TMEM161A: variants seen among roughly 807,000 people sequenced by gnomAD.
The protein encoded by TMEM161A is transmembrane protein 161A, also known as adaptive response to oxidative stress protein 29.
A neutral mutation model predicts 57.1 loss-of-function variants in TMEM161A; 46 were observed. The observed-to-expected ratio is 0.81, with a 90% confidence interval of 0.64 to 1.03. The LOEUF (loss-of-function observed/expected upper bound fraction) is 1.03, where lower values mean the gene tolerates loss of function less well. Ranked by LOEUF, TMEM161A falls within the 50% of genes least tolerant of loss-of-function variation. The pLI is 0.00. For synonymous variants in TMEM161A, 288 were observed against 279.0 expected, an observed-to-expected ratio of 1.03 and a Z score of -0.32; for missense variants, 601 against 621.5, an observed-to-expected ratio of 0.97 and a Z score of 0.35.
chr19:19,128,017 C>T (rs527607623), intron 6 of TMEM161A, among the ~76,000 whole-genome samples: 135 of 152,200 alleles, frequency 8.9e-4, no homozygotes, highest in Non-Finnish European at 1.6e-3. Context: ...GAAATGAGCA[C>T]GTCACAAAAG....
chr19:19,130,125 G>T lies in TMEM161A; in HGVS notation c.595+31C>A, dbSNP rs547460011. ...CAGATTACATGAGGGAGTGACAGCT[G>T]CGGTGGCCCCACGTTGGGGGCTGCA... On this transcript the variant is annotated intron_variant, in intron 6 of 11. Coordinates refer to ENST00000162044, the MANE Select transcript of TMEM161A (RefSeq NM_017814.3). 5 of 1,609,804 alleles carry T rather than the reference G, an allele frequency of 3.1e-6. No individual in the cohort carries two copies. The Admixed American group carries it at 6.7e-5, about 21-fold the overall frequency.
intron 6 of TMEM161A, among the ~76,000 whole-genome samples, chr19:19,122,258 C>T (rs1399790428): frequency 1.3e-5 from 2 of 152,176 alleles, no homozygotes; most frequent in East Asian, 1.9e-4. Flanking sequence ...CGCACCATTG[C>T]ACTCCAGCCT....
chr19:19,121,678 C>A lies in TMEM161A; in HGVS notation c.657-10G>T. The A allele has an allele frequency of 1.2e-6, 2 of 1,613,082 alleles. No homozygotes were observed. The highest frequency in any genetic ancestry group is 1.7e-6 in the Non-Finnish European group (2 of 1,179,246). On this transcript the variant is annotated splice_polypyrimidine_tract_variant and intron_variant, in intron 7 of 11. Transcript: ENST00000162044. This position sits in a 1 kb window ranked among gnomAD's most constrained non-coding sequence, Gnocchi z 5.8. The stretch of plus-strand genomic sequence containing the variant: ...CTTGGCCACAGGAAGCCTAGGAGAA[C>A]ACCAGGTCACGAGCCTGCCTGGGGG...
chr19:19,121,669 C>G lies in TMEM161A; in HGVS notation c.657-1G>C. Reference sequence around the variant, plus strand: ...GATAGCCAGCTTGGCCACAGGAAGCCTAGGAGAACACCAGGTCACGAGCCT... The same window carrying G: ...GATAGCCAGCTTGGCCACAGGAAGCGTAGGAGAACACCAGGTCACGAGCCT... On this transcript the variant is annotated splice_acceptor_variant, in intron 7 of 11. Transcript: ENST00000162044. LOFTEE classifies it high-confidence loss of function. This position sits in a 1 kb window ranked among gnomAD's most constrained non-coding sequence, Gnocchi z 5.8. 1.9e-6 allele frequency: 3 copies of G among 1,613,436 alleles called. No individual in the cohort carries two copies. The highest frequency in any genetic ancestry group is 2.5e-6 in the Non-Finnish European group (3 of 1,179,510).
chr19:19,130,628 CA>C (rs1163164004), intron 5 of TMEM161A: 1 of 318,968 alleles, frequency 3.1e-6, no homozygotes, highest in African/African-American at 2.1e-5. Flanking sequence ...GCTTCATCTC[CA>C]ATCTGCTGTC....
intron 6 of TMEM161A, among the ~76,000 whole-genome samples, chr19:19,129,007 G>C (rs768765010): frequency 6.6e-6 from 1 of 152,194 alleles, no homozygotes; most frequent in Non-Finnish European, 1.5e-5. Flanking sequence ...GAAGAGACAT[G>C]AATCATGAAT....
chr19:19,134,543 A>C (rs965033511), intron 2 of TMEM161A, among the ~76,000 whole-genome samples: 2 of 152,190 alleles, frequency 1.3e-5, no homozygotes, highest in Non-Finnish European at 2.9e-5. Flanking sequence ...TTGAGGTTGC[A>C]GTGAGCTATG....
At chr19:19,129,732 A>AC (rs2059948122) in intron 6 of TMEM161A, among the ~76,000 whole-genome samples, 1 of 152,004 alleles carries the variant, frequency 6.6e-6, no homozygotes, top group African/African-American at 2.4e-5. Flanking sequence ...ACATGGTGAA[A>AC]CCCCATCTTT....
Position 19,121,257 on chromosome 19 carries a change from T to C in TMEM161A, c.914+51A>G, listed in dbSNP as rs915512735. On this transcript the variant is annotated intron_variant, in intron 9 of 11. Transcript: ENST00000162044. The surrounding 1 kb of genome is among the most constrained non-coding windows in gnomAD (Gnocchi z 5.8). ...AGGCTCCTCCCTGAATCTCAGAGGCTAGGGCACCCAGGGGAGCCCCAGCTA... is the reference window on the plus strand; with the variant it reads ...AGGCTCCTCCCTGAATCTCAGAGGCCAGGGCACCCAGGGGAGCCCCAGCTA... The C allele has an allele frequency of 1.3e-6, 2 of 1,552,164 alleles. No homozygotes were observed. Among genetic ancestry groups the C allele is most frequent in the Admixed American group, 2.0e-5 (1 of 51,040 alleles).
intron 1 of TMEM161A, 126 bp downstream of exon 1, chr19:19,138,300 C>G: frequency 7.1e-7 from 1 of 1,398,696 alleles, no homozygotes; most frequent in Non-Finnish European, 9.9e-7. Context: ...TCAGCGTGCC[C>G]CCGAATCCCT....
intron 6 of TMEM161A, among the ~76,000 whole-genome samples, chr19:19,122,429 A>AC (rs769758901): frequency 6.6e-6 from 1 of 152,066 alleles, no homozygotes; most frequent in Non-Finnish European, 1.5e-5. Flanking sequence ...GCAGGAGAAA[A>AC]CCAAAGTCCT....
In TMEM161A at chr19:19,121,317, C is replaced by T. The variant is rs1379272406; in HGVS notation, c.905G>A (p.Arg302His). The T allele has an allele frequency of 1.9e-6, 3 of 1,565,230 alleles. No homozygotes were observed. Among genetic ancestry groups the T allele is most frequent in the African/African-American group, 1.4e-5 (1 of 73,496 alleles). ...FLHQPPFGET[R>H]FSLLSDSAFD... is the part of the protein sequence containing the mutation. ...CCCACCCAATACGCACAGGGAGAAA[C>T]GCGTCTCCCCAAACGGCGGCTGGTG... is the stretch of plus-strand genomic sequence containing the variant. The change falls in exon 9 of 12, where the codon CGT (arginine) becomes CAT (histidine). Residue 302 changes from arginine (R) to histidine (H), a missense_variant. Physicochemically the swap from Arg to His is conservative, Grantham distance 29. Transcript: ENST00000162044. This position sits in a 1 kb window ranked among gnomAD's most constrained non-coding sequence, Gnocchi z 5.8.
Position 19,134,339 on chromosome 19 carries a change from C to T in TMEM161A, c.107+445G>A, listed in dbSNP as rs548028430. ...AGTTTGTGTCAGGCATGGGAACTCA[C>T]GCCTGTAATCCCAGCACTTTGGGAG... is the stretch of plus-strand genomic sequence containing the variant. On this transcript the variant is annotated intron_variant, in intron 2 of 11. Coordinates refer to ENST00000162044, the MANE Select transcript of TMEM161A (RefSeq NM_017814.3). 2.2e-3 allele frequency among the ~76,000 whole-genome samples: 335 copies of T among 152,224 alleles called. 1 individual carries two copies. Among genetic ancestry groups the T allele is most frequent in the African/African-American group, 7.2e-3 (301 of 41,530 alleles).
chr19:19,121,081 G>C lies in TMEM161A; in HGVS notation c.1000C>G (p.Leu334Val), dbSNP rs1269965341. The C allele has an allele frequency of 6.2e-7, 1 of 1,611,620 alleles. No homozygotes were observed. Among genetic ancestry groups the C allele is most frequent in the Admixed American group, 1.7e-5 (1 of 59,970 alleles). Reference sequence around the variant, plus strand: ...TTGGCCAGGCACAGGTAGGCCTGCAGGTGGGGCCGGGTCACCGCCAGCCGC... The same window carrying C: ...TTGGCCAGGCACAGGTAGGCCTGCACGTGGGGCCGGGTCACCGCCAGCCGC... The part of the protein sequence containing the change: ...LLRLAVTRPH[L>V]QAYLCLAKAR... The change falls in exon 10 of 12, where the codon CTG becomes GTG. Residue 334 changes from leucine to valine, a missense_variant. By Grantham distance (32) the Leu-to-Val change is conservative (BLOSUM62 1). Coordinates refer to ENST00000162044, the MANE Select transcript of TMEM161A (RefSeq NM_017814.3). The surrounding 1 kb of genome is among the most constrained non-coding windows in gnomAD (Gnocchi z 5.8).
intron 1 of TMEM161A, among the ~76,000 whole-genome samples, chr19:19,135,307 G>A (rs1179490252): frequency 3.3e-5 from 5 of 151,914 alleles, no homozygotes; most frequent in East Asian, 1.9e-4. Flanking sequence ...GGCTCCCACC[G>A]CCTTCTGCAC....
Position 19,121,414 on chromosome 19 carries a change from G to C in TMEM161A, c.808C>G (p.Leu270Val). The C allele has an allele frequency of 6.2e-7, 1 of 1,613,794 alleles. No individual in the cohort carries two copies. Among genetic ancestry groups the C allele is most frequent in the Non-Finnish European group, 8.5e-7 (1 of 1,179,806 alleles). Reference sequence around the variant, plus strand: ...AGGGGAGACAGGAAGCTGGTGTGCAGGAGGAACCTGGGGGGTGAGGGCAGG... The same window carrying C: ...AGGGGAGACAGGAAGCTGGTGTGCACGAGGAACCTGGGGGGTGAGGGCAGG... ...SEDRPMLQFLLHTSFLSPLFI... is the reference protein window; with the variant it reads ...SEDRPMLQFLVHTSFLSPLFI... Residue 270 changes from leucine (L) to valine (V), a missense_variant, in exon 9 of 12, where the codon CTG becomes GTG. Leu to Val is a conservative substitution (Grantham distance 32). Transcript: ENST00000162044. The surrounding 1 kb of genome is among the most constrained non-coding windows in gnomAD (Gnocchi z 5.8).
At chr19:19,120,593 CAA>C (rs1373098421) in intron 11 of TMEM161A, among the ~76,000 whole-genome samples, 170 bp downstream of exon 11, 409 of 152,040 alleles carry the variant, frequency 2.7e-3, no homozygotes, top group South Asian at 0.01. Context: ...CTGTCCAAGG[CAA>C]GCCCCACTCC....
chr19:19,120,820 C>T lies in TMEM161A; in HGVS notation c.1131G>A (p.Gln377=). 1 of 1,613,448 alleles carries T rather than the reference C, an allele frequency of 6.2e-7. No individual in the cohort carries two copies. Among genetic ancestry groups the T allele is most frequent in the Non-Finnish European group, 8.5e-7 (1 of 1,180,014 alleles). ...VYCYVTVVSL[Q]YLTPLILTLN... is the part of the protein sequence containing the mutation. ...GGGTGAGGATGAGCGGCGTCAGGTA[C>T]TGCAAGCTCACCACGGTCACATAGC... Residue 377 remains glutamine (Q), a synonymous_variant, in exon 11 of 12, where the codon CAG becomes CAA. Coordinates refer to ENST00000162044, the MANE Select transcript of TMEM161A (RefSeq NM_017814.3).
rs913592387 is a variant in TMEM161A at position 19,126,731 on chromosome 19, G to A, written c.595+3425C>T. Reference sequence around the variant, plus strand: ...CTAAAAATGCAAAAATTAGCCAGGTGTGGTGGCGCACACCTGTAATCCCAG... The same window carrying A: ...CTAAAAATGCAAAAATTAGCCAGGTATGGTGGCGCACACCTGTAATCCCAG... On this transcript the variant is annotated intron_variant, in intron 6 of 11. Coordinates refer to ENST00000162044, the MANE Select transcript of TMEM161A (RefSeq NM_017814.3). Among the ~76,000 whole-genome samples, 7 of 152,230 alleles carry A rather than the reference G, an allele frequency of 4.6e-5. No individual in the cohort carries two copies. The East Asian group carries it at 1.3e-3, about 29-fold the overall frequency.
Sources: allele counts gnomAD v4.1 joint callset (sites outside exome capture counted in the v4.1 genomes callset), GRCh38; gene constraint gnomAD v4.1.1; non-coding constraint Gnocchi (gnomAD v3.1); transcripts MANE v1.5; gene names NCBI Gene and HGNC (gene_info 2026-07-23, HGNC 2026-07-21).